Variants in KCNK12 observed in about 807,000 individuals in gnomAD.
The protein encoded by KCNK12 is potassium two pore domain channel subfamily K member 12, also known as potassium channel subfamily K member 12.
Under a neutral mutation model 25.3 loss-of-function variants are expected in KCNK12, and 6 were observed. The ratio of observed to expected loss-of-function variants is 0.24; its 90% CI spans 0.13 to 0.47. KCNK12 has a LOEUF of 0.47. KCNK12 is among the 20% of genes least tolerant of loss of function. The pLI is 0.99. For synonymous variants in KCNK12, 331 were observed against 311.1 expected (o/e 1.06, Z -0.67); for missense variants, 444 against 661.7 (o/e 0.67, Z 3.61).
In KCNK12 at chr2:47,558,531, A is replaced by G. The variant is rs1420556679; in HGVS notation, c.391+11410T>C. 4.6e-5 allele frequency among the ~76,000 whole-genome samples: 7 copies of G among 152,210 alleles called. No homozygotes were observed. In the East Asian group the frequency reaches 1.3e-3, roughly 29 times the overall value. On this transcript the variant is annotated intron_variant, in intron 1 of 1. Transcript: ENST00000327876. ...CCTAGGAAATGCCAACACACTCAGCACAGGCAGAGGCCCGTGCCTACCTTT... is the reference window on the plus strand; with the variant it reads ...CCTAGGAAATGCCAACACACTCAGCGCAGGCAGAGGCCCGTGCCTACCTTT...
chr2:47,564,272 T>C (rs1048789677), intron 1 of KCNK12: 1 of 230,170 alleles, frequency 4.3e-6, no homozygotes, highest in African/African-American at 2.2e-5. Flanking sequence ...AGACAGTCTC[T>C]CGCTCCAAAG....
chr2:47,527,271 G>A (rs1413609479), intron 1 of KCNK12, among the ~76,000 whole-genome samples: 1 of 152,194 alleles, frequency 6.6e-6, no homozygotes, highest in East Asian at 1.9e-4. Context: ...AGAGTCCTCT[G>A]TCCTCTCTGG....
chr2:47,513,214 C>T lies in KCNK12; in HGVS notation c.*7693G>A, dbSNP rs1668445121. On this transcript the variant is annotated 3_prime_UTR_variant, in exon 2 of 2. Transcript: ENST00000327876. Reference sequence around the variant, plus strand: ...TAACTTGTATCCCTAATGTGTGACCCATGAAAATTAGCCAGGCAGCACCAG... The same window carrying T: ...TAACTTGTATCCCTAATGTGTGACCTATGAAAATTAGCCAGGCAGCACCAG... 1 of 152,208 alleles carries T rather than the reference C, an allele frequency of 6.6e-6. No homozygotes were observed. Among genetic ancestry groups the T allele is most frequent in the Non-Finnish European group, 1.5e-5 (1 of 68,040 alleles). The allele number at this position is 152,208 out of a possible 1,614,324, so 9.4% of individuals were successfully genotyped here.
At chr2:47,554,555 G>A (rs1244779003) in intron 1 of KCNK12, among the ~76,000 whole-genome samples, 1 of 152,236 alleles carries the variant, frequency 6.6e-6, no homozygotes, top group Non-Finnish European at 1.5e-5. Flanking sequence ...CAGCGTGGCT[G>A]TAGTGCATTG....
At chr2:47,549,378 A>G (rs1156943841) in intron 1 of KCNK12, among the ~76,000 whole-genome samples, 2 of 152,184 alleles carry the variant, frequency 1.3e-5, no homozygotes, top group African/African-American at 2.4e-5. Flanking sequence ...GTACAAAACA[A>G]TCAAGCATCA....
At position 47,570,098 on chromosome 2, in the gene KCNK12, G is replaced by A. The variant is rs1293003042; in HGVS notation, c.234C>T (p.Asn78=). 2.9e-6 allele frequency: 4 copies of A among 1,402,918 alleles called. No homozygotes were observed. The African/African-American group carries it at 6.0e-5, about 21-fold the overall frequency. 86.9% of individuals were successfully genotyped at this position (1,402,918 alleles called of 1,614,324 possible). The change falls in exon 1 of 2, where the codon AAC becomes AAT. Residue 78 remains asparagine, a synonymous_variant. Coordinates refer to ENST00000327876, the MANE Select transcript of KCNK12 (RefSeq NM_022055.2). ...ARARWGATLR[N]FSAAHGVAEP... is the part of the protein sequence containing the mutation. The stretch of plus-strand genomic sequence containing the variant: ...CGGCCACGCCGTGCGCAGCGCTGAA[G>A]TTGCGCAGCGTGGCGCCCCAGCGCG...
rs1394397012 is a variant in KCNK12, at chr2:47,515,136, G to A, written c.*5771C>T. On this transcript the variant is annotated 3_prime_UTR_variant, in exon 2 of 2. Coordinates refer to ENST00000327876, the MANE Select transcript of KCNK12 (RefSeq NM_022055.2). ...ATCACATAGCTGGGGCACAGCTGGA[G>A]ACCCCAACAGAGAGGAGAGCTGATG... 6.6e-6 allele frequency among the ~76,000 whole-genome samples: 1 copy of A among 152,162 alleles called. No individual in the cohort carries two copies. Among genetic ancestry groups the A allele is most frequent in the African/African-American group, 2.4e-5 (1 of 41,430 alleles).
At position 47,560,733 on chromosome 2, in the gene KCNK12, C is replaced by T. The variant is rs1669650820; in HGVS notation, c.391+9208G>A. Among the ~76,000 whole-genome samples, 1 of 152,166 alleles carries T rather than the reference C, an allele frequency of 6.6e-6. No individual in the cohort carries two copies. Among genetic ancestry groups the T allele is most frequent in the South Asian group, 2.1e-4 (1 of 4,828 alleles). On this transcript the variant is annotated intron_variant, in intron 1 of 1. Transcript: ENST00000327876. The surrounding 1 kb of genome is among the most constrained non-coding windows in gnomAD (Gnocchi z 4.7). Reference sequence around the variant, plus strand: ...CACAGATAAAAACACAGTGAACTGGCAAACATGACATGTGGCAGGGAGGGG... The same window carrying T: ...CACAGATAAAAACACAGTGAACTGGTAAACATGACATGTGGCAGGGAGGGG...
intron 1 of KCNK12, among the ~76,000 whole-genome samples, chr2:47,561,139 T>C (rs996448105): frequency 6.6e-6 from 1 of 152,124 alleles, no homozygotes; most frequent in Non-Finnish European, 1.5e-5. Flanking sequence ...TTCAACTCCA[T>C]GACCTCCTCC....
At position 47,518,498 on chromosome 2, in the gene KCNK12, G is replaced by T. The variant is rs368355780; in HGVS notation, c.*2409C>A. ...CTGAGGCTGCAGCATAAGCAACTTAGGATAGAGTCTAGGAAGCACCGCCAA... is the reference window on the plus strand; with the variant it reads ...CTGAGGCTGCAGCATAAGCAACTTATGATAGAGTCTAGGAAGCACCGCCAA... On this transcript the variant is annotated 3_prime_UTR_variant, in exon 2 of 2. Transcript: ENST00000327876. This position sits in a 1 kb window ranked among gnomAD's most constrained non-coding sequence, Gnocchi z 4.1. 12 of 152,348 alleles carry T rather than the reference G, an allele frequency of 7.9e-5. No individual in the cohort carries two copies. Among genetic ancestry groups the T allele is most frequent in the African/African-American group, 2.9e-4 (12 of 41,572 alleles). The allele number at this position is 152,348 out of a possible 1,614,324, so 9.4% of individuals were successfully genotyped here.
chr2:47,563,812 TA>T, intron 1 of KCNK12: 1 of 232,872 alleles, frequency 4.3e-6, no homozygotes, highest in Non-Finnish European at 8.5e-6. Context: ...TCTAGGAGTG[TA>T]CCTTTGCTCC....
chr2:47,531,951 T>C (rs1668940229), intron 1 of KCNK12, among the ~76,000 whole-genome samples: 1 of 151,876 alleles, frequency 6.6e-6, no homozygotes, highest in African/African-American at 2.4e-5. Flanking sequence ...CAAATTCTTT[T>C]AGCTTTATAA....
At chr2:47,545,391 C>G (rs541505990) in intron 1 of KCNK12, among the ~76,000 whole-genome samples, 2 of 152,334 alleles carry the variant, frequency 1.3e-5, no homozygotes, top group South Asian at 4.1e-4. Flanking sequence ...GGCTGGGGAC[C>G]ACTGAAATGC....
rs562657689 is a variant in KCNK12, at chr2:47,509,554, G to A, written c.*11353C>T. Among the ~76,000 whole-genome samples the A allele has an allele frequency of 5.3e-5, 8 of 152,230 alleles. No individual in the cohort carries two copies. Among genetic ancestry groups the A allele is most frequent in the Non-Finnish European group, 1.2e-4 (8 of 68,034 alleles). ...CCTGGTGCAGGATTGTGGTGTCCAG[G>A]TGTCTCTCCTTAGCACATAAGACCC... On this transcript the variant is annotated 3_prime_UTR_variant, in exon 2 of 2. Transcript: ENST00000327876.
intron 1 of KCNK12, among the ~76,000 whole-genome samples, chr2:47,522,307 A>G (rs1668676583): frequency 6.6e-6 from 1 of 152,248 alleles, no homozygotes; most frequent in African/African-American, 2.4e-5. Context: ...CAAAACCAAC[A>G]TAGATCTCTT....
rs117765750 is a variant in KCNK12 at position 47,523,733 on chromosome 2, C to A, written c.392-1925G>T. Reference sequence around the variant, plus strand: ...ATCTCTTGGTGGAAAGATTCACTTACTGCTTGGAGTCTGAGCTGAAAAAAT... The same window carrying A: ...ATCTCTTGGTGGAAAGATTCACTTAATGCTTGGAGTCTGAGCTGAAAAAAT... On this transcript the variant is annotated intron_variant, in intron 1 of 1. Transcript: ENST00000327876. Among the ~76,000 whole-genome samples, 35 of 152,292 alleles carry A rather than the reference C, an allele frequency of 2.3e-4. No individual in the cohort carries two copies. In the East Asian group the frequency reaches 6.6e-3, roughly 29 times the overall value.
chr2:47,550,301 A>G (rs748516894), intron 1 of KCNK12, among the ~76,000 whole-genome samples: 51 of 152,146 alleles, frequency 3.4e-4, no homozygotes, highest in Admixed American at 2.0e-4. Flanking sequence ...GTTGAAAGTC[A>G]GGAATGAAGA....
rs1668566103 is a variant in KCNK12 at position 47,518,089 on chromosome 2, C to A, written c.*2818G>T. On this transcript the variant is annotated 3_prime_UTR_variant, in exon 2 of 2. Transcript: ENST00000327876. The surrounding 1 kb of genome is among the most constrained non-coding windows in gnomAD (Gnocchi z 4.1). ...CAGAAGAACCTGCACCAAAGAAAGG[C>A]ATCCCTATCAATGTCACTGTTCCTG... 1 of 152,198 alleles carries A rather than the reference C, an allele frequency of 6.6e-6. No homozygotes were observed. The allele number at this position is 152,198 out of a possible 1,614,324, so 9.4% of individuals were successfully genotyped here. A position where few individuals can be genotyped will look rare whatever the true frequency, so the allele number is the denominator to read the frequency against.
intron 1 of KCNK12, among the ~76,000 whole-genome samples, chr2:47,552,354 G>T (rs1045194675): frequency 6.6e-6 from 1 of 152,056 alleles, no homozygotes. Flanking sequence ...TTTGGAGGAG[G>T]GGTATCCTCC....
Sources: gnomAD v4.1 joint callset for allele counts (sites outside exome capture counted in the v4.1 genomes callset) on GRCh38, gnomAD v4.1.1 for gene constraint, Gnocchi (gnomAD v3.1) non-coding constraint, MANE v1.5 for transcripts, NCBI Gene and HGNC (gene_info 2026-07-23, HGNC 2026-07-21) for gene names.